Variants in SNAP25 observed in about 807,000 individuals in gnomAD.
The protein encoded by SNAP25 is synaptosomal-associated protein 25.
SNAP25 carries 3 observed loss-of-function variants against 28.7 expected under a neutral mutation model. That is an observed-to-expected ratio of 0.10 (90% CI 0.05 to 0.27). The LOEUF (loss-of-function observed/expected upper bound fraction) is 0.27, where lower values mean the gene tolerates loss of function less well. Ranked by LOEUF, SNAP25 falls within the 10% of genes least tolerant of loss-of-function variation. The pLI, the probability that SNAP25 is intolerant of heterozygous loss-of-function variation, is 1.00. For missense variants in SNAP25, 117 were observed against 278.7 expected, an observed-to-expected ratio of 0.42 and a Z score of 4.13; for synonymous variants, 61 against 88.1, an observed-to-expected ratio of 0.69 and a Z score of 1.72.
At chr20:10,238,171 C>T (rs1262692939) in intron 1 of SNAP25, among the ~76,000 whole-genome samples, 1 of 152,138 alleles carries the variant, frequency 6.6e-6, no homozygotes, top group Non-Finnish European at 1.5e-5. Context: ...GGTCTCGTTC[C>T]ACCCACACAT....
chr20:10,246,495 C>T (rs1468158211), intron 1 of SNAP25, among the ~76,000 whole-genome samples: 1 of 152,138 alleles, frequency 6.6e-6, no homozygotes, highest in Non-Finnish European at 1.5e-5. Flanking sequence ...AGAGGCAAAC[C>T]ACCCTGACAG....
chr20:10,294,771 G>T (rs370176236), intron 5 of SNAP25, among the ~76,000 whole-genome samples: 5 of 136,020 alleles, frequency 3.7e-5, no homozygotes, highest in Admixed American at 1.5e-4. Context: ...TGTTCATTAA[G>T]AAAGTCATAT....
chr20:10,256,924 T>TA (rs1245811744), intron 1 of SNAP25, among the ~76,000 whole-genome samples: 2 of 152,238 alleles, frequency 1.3e-5, no homozygotes, highest in Non-Finnish European at 2.9e-5. Flanking sequence ...TAATTGACTA[T>TA]AAAAAACAGG....
chr20:10,270,566 G>A (rs1046129871), intron 1 of SNAP25, among the ~76,000 whole-genome samples: 3 of 152,158 alleles, frequency 2.0e-5, no homozygotes, highest in Admixed American at 1.3e-4. Flanking sequence ...TGGGCGTGGT[G>A]GCATGCACCT....
At chr20:10,269,961 T>G (rs1372808431) in intron 1 of SNAP25, among the ~76,000 whole-genome samples, 2 of 152,186 alleles carry the variant, frequency 1.3e-5, no homozygotes, top group African/African-American at 4.8e-5. Context: ...TCTATATAAC[T>G]ATAGGACTCC....
chr20:10,273,632 G>GAC (rs2063636710), intron 1 of SNAP25, among the ~76,000 whole-genome samples: 1 of 152,170 alleles, frequency 6.6e-6, no homozygotes, highest in Non-Finnish European at 1.5e-5. Context: ...GACTGACAGG[G>GAC]ACACACTTTG....
intron 1 of SNAP25, among the ~76,000 whole-genome samples, chr20:10,269,905 C>G (rs1186083267): frequency 1.3e-5 from 2 of 152,252 alleles, no homozygotes; most frequent in Non-Finnish European, 2.9e-5. Context: ...TGGGCCCTAA[C>G]TTCCCGAAAG....
chr20:10,231,209 C>A (rs2062823488), intron 1 of SNAP25, among the ~76,000 whole-genome samples: 1 of 151,998 alleles, frequency 6.6e-6, no homozygotes, highest in South Asian at 2.1e-4. Flanking sequence ...TTCTACTCAT[C>A]CCCTGCAATG....
At chr20:10,224,674 C>A (rs1422799277) in intron 1 of SNAP25, among the ~76,000 whole-genome samples, 2 of 151,944 alleles carry the variant, frequency 1.3e-5, no homozygotes, top group Non-Finnish European at 2.9e-5. Flanking sequence ...TTTTTTCCCC[C>A]CTCAGAATTG....
At chr20:10,236,959 C>CAGAAATAAATAAATAA (rs111245198) in intron 1 of SNAP25, among the ~76,000 whole-genome samples, 1 of 146,498 alleles carries the variant, frequency 6.8e-6, no homozygotes. Context: ...AAGGAAAATA[C>CAGAAATAAATAAATAA]ATAAATAAAT....
intron 1 of SNAP25, among the ~76,000 whole-genome samples, chr20:10,268,400 ATTTG>A (rs2063539448): frequency 6.6e-6 from 1 of 152,146 alleles, no homozygotes; most frequent in Non-Finnish European, 1.5e-5. Flanking sequence ...ATTTATACAT[ATTTG>A]TTAGTTTGGT....
chr20:10,276,672 G>A lies in SNAP25; in HGVS notation c.73-1013G>A, dbSNP rs573998942. 7.5e-4 allele frequency among the ~76,000 whole-genome samples: 114 copies of A among 152,260 alleles called. No homozygotes were observed. In the Middle Eastern group the frequency reaches 0.031, roughly 41 times the overall value. On this transcript the variant is annotated intron_variant, in intron 2 of 7. Coordinates refer to ENST00000254976, the MANE Select transcript of SNAP25 (RefSeq NM_130811.4). The stretch of plus-strand genomic sequence containing the variant: ...CTGGTTCATCACATGGTTAGCTGTA[G>A]ACACAAAAGTTCAGCAAAAATCAGT...
chr20:10,270,621 A>T (rs2063577108), intron 1 of SNAP25, among the ~76,000 whole-genome samples: 1 of 151,780 alleles, frequency 6.6e-6, no homozygotes, highest in Admixed American at 6.6e-5. Context: ...AATTACTTGA[A>T]CCAGGAGGCA....
chr20:10,283,934 C>A (rs777983524), intron 3 of SNAP25, among the ~76,000 whole-genome samples: 2 of 152,236 alleles, frequency 1.3e-5, no homozygotes, highest in Non-Finnish European at 2.9e-5. Context: ...CCAACTCCTG[C>A]CCATGGTTCA....
At chr20:10,255,002 G>A (rs1291179861) in intron 1 of SNAP25, among the ~76,000 whole-genome samples, 1 of 152,136 alleles carries the variant, frequency 6.6e-6, no homozygotes, top group Non-Finnish European at 1.5e-5. Context: ...GGGACACAAT[G>A]GGACTCCTGA....
At chr20:10,283,568 C>A (rs1459197948) in intron 3 of SNAP25, among the ~76,000 whole-genome samples, 1 of 152,216 alleles carries the variant, frequency 6.6e-6, no homozygotes, top group Non-Finnish European at 1.5e-5. Context: ...TAAAAGCTCA[C>A]AGAAATCATT....
At chr20:10,267,205 A>G (rs1186902240) in intron 1 of SNAP25, among the ~76,000 whole-genome samples, 1 of 152,160 alleles carries the variant, frequency 6.6e-6, no homozygotes, top group Non-Finnish European at 1.5e-5. Flanking sequence ...CAAAGAACAT[A>G]CTATATGACA....
chr20:10,229,398 T>C (rs2062787501), intron 1 of SNAP25, among the ~76,000 whole-genome samples: 1 of 152,116 alleles, frequency 6.6e-6, no homozygotes, highest in Non-Finnish European at 1.5e-5. Flanking sequence ...AATTCCTACA[T>C]GCATCATCTC....
chr20:10,265,519 C>T (rs142974434), intron 1 of SNAP25, among the ~76,000 whole-genome samples: 504 of 152,298 alleles, frequency 3.3e-3, no homozygotes, highest in African/African-American at 0.012. Flanking sequence ...AGAGACAGAA[C>T]ATCGTCAGTG....
Sources: gnomAD v4.1 joint callset for allele counts (sites outside exome capture counted in the v4.1 genomes callset) on GRCh38, gnomAD v4.1.1 for gene constraint, MANE v1.5 for transcripts, NCBI Gene and HGNC (gene_info 2026-07-23, HGNC 2026-07-21) for gene names.